Variants in AHI1 observed in about 807,000 individuals in gnomAD.
AHI1 encodes jouberin.
Under a neutral mutation model 149.3 loss-of-function variants are expected in AHI1, and 123 were observed. The ratio of observed to expected loss-of-function variants is 0.82; its 90% CI spans 0.71 to 0.96. The LOEUF is 0.96. AHI1 is among the 40% of genes least tolerant of loss of function. AHI1 has a pLI of 0.00. For synonymous variants in AHI1, 475 were observed against 459.8 expected, an observed-to-expected ratio of 1.03 and a Z score of -0.42; for missense variants, 1,439 against 1,422.7, an observed-to-expected ratio of 1.01 and a Z score of -0.18.
intron 23 of AHI1, among the ~76,000 whole-genome samples, chr6:135,369,891 A>G: frequency 6.6e-6 from 1 of 152,164 alleles, no homozygotes; most frequent in African/African-American, 2.4e-5. Context: ...GGAAATCCTG[A>G]CTTCCATGAA....
intron 24 of AHI1, among the ~76,000 whole-genome samples, chr6:135,330,115 AG>A (rs1476285430): frequency 2.6e-5 from 4 of 152,250 alleles, no homozygotes; most frequent in South Asian, 2.1e-4. Flanking sequence ...CAGAGGATTT[AG>A]AATATCACAT....
intron 9 of AHI1, among the ~76,000 whole-genome samples, chr6:135,456,526 C>T (rs1037161226): frequency 5.4e-5 from 8 of 147,282 alleles, no homozygotes; most frequent in South Asian, 4.2e-4. Flanking sequence ...GCCAGTGAGA[C>T]GCAGTGAGAT....
At chr6:135,401,989 A>G (rs1411685230) in intron 22 of AHI1, among the ~76,000 whole-genome samples, 4 of 152,320 alleles carry the variant, frequency 2.6e-5, no homozygotes, top group African/African-American at 9.6e-5. Context: ...CAATAAAAAG[A>G]CAAAAAATCC....
intron 20 of AHI1, among the ~76,000 whole-genome samples, chr6:135,426,667 A>G (rs1209777627): frequency 2.6e-5 from 4 of 151,674 alleles, no homozygotes; most frequent in African/African-American, 9.7e-5. Context: ...AATTCTTAGA[A>G]TACCATACTG....
At chr6:135,327,452 T>C (rs1346120246) in intron 24 of AHI1, among the ~76,000 whole-genome samples, 1 of 152,242 alleles carries the variant, frequency 6.6e-6, no homozygotes. Flanking sequence ...CGTAATACCA[T>C]TGTTGACATT....
At chr6:135,353,406 T>C (rs1792459692) in intron 24 of AHI1, among the ~76,000 whole-genome samples, 1 of 152,142 alleles carries the variant, frequency 6.6e-6, no homozygotes, top group Non-Finnish European at 1.5e-5. Context: ...CTATGAATTC[T>C]TGGAAAATGC....
intron 5 of AHI1, among the ~76,000 whole-genome samples, chr6:135,471,738 C>G: frequency 6.6e-6 from 1 of 151,944 alleles, no homozygotes. Flanking sequence ...TCAGGCCGGG[C>G]GCGGTGGCTC....
chr6:135,322,449 A>G (rs1178573847), intron 25 of AHI1, among the ~76,000 whole-genome samples: 1 of 150,304 alleles, frequency 6.7e-6, no homozygotes, highest in Admixed American at 6.7e-5. Context: ...GCTTTCAGAA[A>G]CTCATATTTA....
intron 22 of AHI1, 47 bp from the exon 23 acceptor site, chr6:135,394,943 T>G: frequency 6.4e-7 from 1 of 1,553,910 alleles, no homozygotes; most frequent in Non-Finnish European, 8.7e-7. Flanking sequence ...TTTCCTGGAT[T>G]ACTAATGCAA....
At chr6:135,381,188 G>GA (rs1463631179) in intron 23 of AHI1, among the ~76,000 whole-genome samples, 2 of 149,358 alleles carry the variant, frequency 1.3e-5, no homozygotes, top group South Asian at 4.2e-4. Context: ...CTGAAGAAGG[G>GA]AAAAAAAAAG....
chr6:135,493,013 ATTTG>A (rs1795473835), intron 3 of AHI1: 4 of 961,864 alleles, frequency 4.2e-6, no homozygotes, highest in Non-Finnish European at 4.9e-6. Flanking sequence ...GGAATTATTG[ATTTG>A]TTTGTTTTTG....
At chr6:135,431,167 T>C (rs1343744490) in intron 17 of AHI1, 41 bp downstream of exon 17, 1 of 1,351,150 alleles carries the variant, frequency 7.4e-7, no homozygotes, top group African/African-American at 1.5e-5. Flanking sequence ...TTTTTCCAAC[T>C]TCTTTAATTA....
At chr6:135,470,755 G>T (rs1215344339) in intron 5 of AHI1, among the ~76,000 whole-genome samples, 1 of 152,010 alleles carries the variant, frequency 6.6e-6, no homozygotes, top group African/African-American at 2.4e-5. Context: ...CATGGACACA[G>T]GGAGAGGAAC....
At chr6:135,290,399 A>G (rs771780696) in intron 28 of AHI1, 24 bp downstream of exon 28, 1 of 1,360,808 alleles carries the variant, frequency 7.3e-7, no homozygotes, top group East Asian at 2.3e-5. Context: ...ACATAGCGCA[A>G]CTTTCTATTG....
At chr6:135,472,846 T>C (rs913451662) in intron 5 of AHI1, among the ~76,000 whole-genome samples, 1 of 152,202 alleles carries the variant, frequency 6.6e-6, no homozygotes, top group Non-Finnish European at 1.5e-5. Context: ...TTTGTTTTCA[T>C]ATCAGTGAGC....
chr6:135,294,698 CAAA>C (rs56734547), intron 27 of AHI1, among the ~76,000 whole-genome samples: 7 of 67,996 alleles, frequency 1.0e-4, no homozygotes, highest in Non-Finnish European at 1.5e-4. Flanking sequence ...TCTCCAAATG[CAAA>C]AAAAAAAAAA....
chr6:135,485,261 G>A (rs536727894), intron 5 of AHI1, among the ~76,000 whole-genome samples: 1 of 152,152 alleles, frequency 6.6e-6, no homozygotes, highest in African/African-American at 2.4e-5. Flanking sequence ...TTTTAGTAGA[G>A]ACTAGGTTTC....
rs1790241217 is a variant in AHI1 at position 135,463,417 on chromosome 6, C to T, written c.750-111G>A. The T allele has an allele frequency of 4.5e-6, 4 of 884,224 alleles. No homozygotes were observed. In the East Asian group the frequency reaches 1.1e-4, roughly 23 times the overall value. 54.8% of individuals were successfully genotyped at this position (884,224 alleles called of 1,614,324 possible). On this transcript the variant is annotated intron_variant, in intron 7 of 28. Coordinates refer to ENST00000265602, the MANE Select transcript of AHI1 (RefSeq NM_001134831.2). ...AGGAGCAAAGATAATCCTAAAATCA[C>T]TATTATTGTCTCTTGAGAGATGCAT...
intron 27 of AHI1, among the ~76,000 whole-genome samples, chr6:135,300,113 T>TC (rs1783666239): frequency 6.6e-6 from 1 of 152,026 alleles, no homozygotes; most frequent in African/African-American, 2.4e-5. Context: ...TCACCTGAGG[T>TC]CAGGAGTTCA....
Sources: allele counts gnomAD v4.1 joint callset (sites outside exome capture counted in the v4.1 genomes callset), GRCh38; gene constraint gnomAD v4.1.1; transcripts MANE v1.5; gene names NCBI Gene and HGNC (gene_info 2026-07-23, HGNC 2026-07-21).